CCSER1: variants seen among roughly 807,000 people sequenced by gnomAD.
CCSER1 encodes serine-rich coiled-coil domain-containing protein 1.
Under a neutral mutation model 82.0 loss-of-function variants are expected in CCSER1, and 41 were observed. That is an observed-to-expected ratio of 0.50 (90% CI 0.39 to 0.65). The LOEUF is 0.65. Ranked by LOEUF, CCSER1 falls within the 30% of genes least tolerant of loss-of-function variation. CCSER1 has a pLI of 0.00. For synonymous variants in CCSER1, 414 were observed against 383.9 expected (o/e 1.08, Z -0.92); for missense variants, 1,119 against 1,064.2 (o/e 1.05, Z -0.72).
intron 8 of CCSER1, among the ~76,000 whole-genome samples, chr4:90,821,292 G>T (rs1046896630): frequency 6.6e-6 from 1 of 152,026 alleles, no homozygotes; most frequent in African/African-American, 2.4e-5. Flanking sequence ...GAACTACTGC[G>T]AACTATTAAA....
At chr4:91,093,060 A>T (rs1256539103) in intron 10 of CCSER1, among the ~76,000 whole-genome samples, 2 of 152,204 alleles carry the variant, frequency 1.3e-5, no homozygotes, top group Admixed American at 6.5e-5. Flanking sequence ...AGAAAGGCAT[A>T]TCAAGAGTCA....
chr4:90,294,621 G>A (rs1051713300), intron 1 of CCSER1, among the ~76,000 whole-genome samples: 1 of 151,754 alleles, frequency 6.6e-6, no homozygotes, highest in African/African-American at 2.4e-5. Flanking sequence ...ATTTACATGC[G>A]TATTTCTATA....
intron 7 of CCSER1, among the ~76,000 whole-genome samples, chr4:90,770,964 T>G (rs888220787): frequency 3.3e-5 from 5 of 152,206 alleles, no homozygotes; most frequent in Admixed American, 6.5e-5. Context: ...TTGTGATTTT[T>G]AATTTGTTTC....
At chr4:90,158,000 TG>T (rs1728624153) in intron 1 of CCSER1, among the ~76,000 whole-genome samples, 2 of 152,164 alleles carry the variant, frequency 1.3e-5, no homozygotes, top group Non-Finnish European at 2.9e-5. Context: ...CCCATCTTTG[TG>T]GTTTTATCTA....
intron 10 of CCSER1, among the ~76,000 whole-genome samples, chr4:91,401,947 T>C (rs1037644610): frequency 2.0e-5 from 3 of 152,258 alleles, no homozygotes; most frequent in Non-Finnish European, 2.9e-5. Flanking sequence ...ATGATATTTC[T>C]AGTTCTAGAT....
At chr4:91,067,653 T>C (rs1398439943) in intron 9 of CCSER1, among the ~76,000 whole-genome samples, 3 of 152,150 alleles carry the variant, frequency 2.0e-5, no homozygotes, top group Admixed American at 2.0e-4. Flanking sequence ...CCCATCCTTC[T>C]TCTTTAAGGT....
chr4:90,416,669 T>C (rs568260106), intron 4 of CCSER1, among the ~76,000 whole-genome samples: 2 of 152,196 alleles, frequency 1.3e-5, no homozygotes, highest in Non-Finnish European at 2.9e-5. Context: ...GGTTATTTTT[T>C]GTAGACCCTA....
chr4:90,267,217 A>G (rs1173586111), intron 1 of CCSER1, among the ~76,000 whole-genome samples: 2 of 150,388 alleles, frequency 1.3e-5, no homozygotes, highest in African/African-American at 5.0e-5. Context: ...AGTACATTCC[A>G]TGGGCCCTTG....
Position 91,190,917 on chromosome 4 carries a change from C to T in CCSER1, c.2217+104923C>T, listed in dbSNP as rs561058102. On this transcript the variant is annotated intron_variant, in intron 10 of 10. Transcript: ENST00000509176. ...TGGATATGTAGGAAGACTTTACTAC[C>T]TCAGTTTTCTCACCTGTAAAATGTC... Among the ~76,000 whole-genome samples, 12 of 152,156 alleles carry T rather than the reference C, an allele frequency of 7.9e-5. No homozygotes were observed. The South Asian group carries it at 1.9e-3, about 24-fold the overall frequency.
At chr4:90,207,796 G>A (rs1739172881) in intron 1 of CCSER1, among the ~76,000 whole-genome samples, 2 of 152,206 alleles carry the variant, frequency 1.3e-5, no homozygotes, top group South Asian at 4.1e-4. Context: ...GTCCACTCCA[G>A]AACCTGTTTG....
chr4:91,483,538 T>G (rs1287266889), intron 10 of CCSER1, among the ~76,000 whole-genome samples: 7 of 151,854 alleles, frequency 4.6e-5, no homozygotes, highest in Non-Finnish European at 8.8e-5. Context: ...TGAGTTCAAG[T>G]GATTCTCCTG....
chr4:91,371,207 A>C (rs1035340499), intron 10 of CCSER1, among the ~76,000 whole-genome samples: 1 of 152,040 alleles, frequency 6.6e-6, no homozygotes, highest in African/African-American at 2.4e-5. Context: ...TATTGACTGT[A>C]ATCACTCTGT....
At chr4:90,329,747 A>G (rs1043652476) in intron 3 of CCSER1, among the ~76,000 whole-genome samples, 1 of 152,172 alleles carries the variant, frequency 6.6e-6, no homozygotes, top group African/African-American at 2.4e-5. Context: ...TACTTTAGTT[A>G]GAAAGTTTAC....
chr4:91,471,842 C>T (rs924040653), intron 10 of CCSER1, among the ~76,000 whole-genome samples: 1 of 151,044 alleles, frequency 6.6e-6, no homozygotes, highest in African/African-American at 2.4e-5. Context: ...TAGTGGCGGG[C>T]GCCTGTAGTC....
intron 7 of CCSER1, among the ~76,000 whole-genome samples, chr4:90,749,009 T>C (rs924583267): frequency 1.1e-4 from 17 of 150,986 alleles, no homozygotes; most frequent in African/African-American, 4.1e-4. Context: ...CTGATGGTAG[T>C]TTCTTTTGCT....
intron 5 of CCSER1, among the ~76,000 whole-genome samples, chr4:90,574,452 T>G (rs1464767764): frequency 6.6e-6 from 1 of 150,672 alleles, no homozygotes; most frequent in Non-Finnish European, 1.5e-5. Context: ...GTATTTTTAG[T>G]AGAGACGGGG....
chr4:91,396,643 C>G (rs2149355281), intron 10 of CCSER1, among the ~76,000 whole-genome samples: 1 of 152,062 alleles, frequency 6.6e-6, no homozygotes, highest in Non-Finnish European at 1.5e-5. Context: ...GTTATACACC[C>G]TGAAGACACA....
chr4:90,458,908 G>T (rs1762520253), intron 4 of CCSER1, among the ~76,000 whole-genome samples: 1 of 152,124 alleles, frequency 6.6e-6, no homozygotes, highest in South Asian at 2.1e-4. Flanking sequence ...TGCTCTAACT[G>T]GTGGCTGTGC....
chr4:90,726,178 T>A (rs1191345943), intron 7 of CCSER1, among the ~76,000 whole-genome samples: 1 of 152,010 alleles, frequency 6.6e-6, no homozygotes, highest in Admixed American at 6.6e-5. Flanking sequence ...TTGGAAGCAC[T>A]CAGAACAGTT....
Sources: gnomAD v4.1 joint callset for allele counts (sites outside exome capture counted in the v4.1 genomes callset) on GRCh38, gnomAD v4.1.1 for gene constraint, MANE v1.5 for transcripts, NCBI Gene and HGNC (gene_info 2026-07-23, HGNC 2026-07-21) for gene names.